The following SIN3A variants were observed in gnomAD, a reference collection of about 807,000 sequenced individuals.
The protein encoded by SIN3A is SIN3 transcription regulator family member A, also known as paired amphipathic helix protein Sin3a.
A neutral mutation model predicts 146.1 loss-of-function variants in SIN3A; 14 were observed. The ratio of observed to expected loss-of-function variants is 0.10; its 90% CI spans 0.06 to 0.15. The LOEUF (loss-of-function observed/expected upper bound fraction) is 0.15, where lower values mean the gene tolerates loss of function less well. Ranked by LOEUF, SIN3A falls within the 10% of genes least tolerant of loss-of-function variation. The pLI is 1.00. For missense variants in SIN3A, 1,028 were observed against 1,576.0 expected (o/e 0.65, Z 5.89); for synonymous variants, 572 against 572.0 (o/e 1.00, Z 0.00).
intron 9 of SIN3A, among the ~76,000 whole-genome samples, chr15:75,404,265 T>C (rs927667078): frequency 6.6e-6 from 1 of 152,212 alleles, no homozygotes; most frequent in African/African-American, 2.4e-5. Context: ...GTATACCCTA[T>C]TTACCTTTAC....
intron 13 of SIN3A, 113 bp from the exon 14 acceptor site, chr15:75,394,976 C>T: frequency 1.1e-6 from 1 of 911,470 alleles, no homozygotes; most frequent in Non-Finnish European, 1.6e-6. Context: ...TATTAGGTCT[C>T]TCAAAATTAC....
chr15:75,428,873 T>C (rs2073968558), intron 2 of SIN3A, among the ~76,000 whole-genome samples: 1 of 152,146 alleles, frequency 6.6e-6, no homozygotes, highest in Admixed American at 6.5e-5. Context: ...ACCCTTCATC[T>C]TCTTTCTCCC....
At chr15:75,410,466 G>A (rs1453671671) in intron 6 of SIN3A, among the ~76,000 whole-genome samples, 180 bp from the exon 7 acceptor site, 1 of 151,974 alleles carries the variant, frequency 6.6e-6, no homozygotes, top group Non-Finnish European at 1.5e-5. Context: ...TGAAGATGGT[G>A]GATGACAATT....
chr15:75,436,850 C>T (rs1254067612), intron 1 of SIN3A, among the ~76,000 whole-genome samples: 1 of 151,852 alleles, frequency 6.6e-6, no homozygotes, highest in East Asian at 1.9e-4. Flanking sequence ...GGGATACAGA[C>T]AGGTACACTT....
At chr15:75,391,944 C>T (rs2073211012) in intron 15 of SIN3A, among the ~76,000 whole-genome samples, 2 of 152,206 alleles carry the variant, frequency 1.3e-5, no homozygotes, top group African/African-American at 2.4e-5. Flanking sequence ...AAACAGATGG[C>T]AGTAACCCAG....
At chr15:75,432,699 A>AT (rs547565722) in intron 1 of SIN3A, among the ~76,000 whole-genome samples, 2 of 150,980 alleles carry the variant, frequency 1.3e-5, no homozygotes, top group African/African-American at 2.4e-5. Context: ...AAAAAAAAAA[A>AT]AAAAAAATTA....
chr15:75,390,380 A>C (rs1301896489), intron 15 of SIN3A, among the ~76,000 whole-genome samples: 1 of 152,242 alleles, frequency 6.6e-6, no homozygotes, highest in East Asian at 1.9e-4. Flanking sequence ...TTTGTTTAAA[A>C]ATGGATTCGC....
chr15:75,430,360 C>T lies in SIN3A; in HGVS notation c.16G>A (p.Asp6Asn). The T allele has an allele frequency of 6.2e-7, 1 of 1,610,678 alleles. No homozygotes were observed. Among genetic ancestry groups the T allele is most frequent in the Non-Finnish European group, 8.5e-7 (1 of 1,178,588 alleles). Residue 6 changes from aspartate to asparagine, a missense_variant, in exon 2 of 21, where the codon GAT (aspartate) becomes AAT (asparagine). Physicochemically the swap from Asp to Asn is conservative, Grantham distance 23 (BLOSUM62 1). Around this residue, in one of 9 missense-constraint regions of SIN3A, gnomAD observed 152 missense variants for 231.5 expected, o/e 0.66. Transcript: ENST00000394947. MKRRL[D>N]DQESPVYAAQ... ...GCATACACCGGTGACTCCTGGTCAT[C>T]CAAACGCCGCTTCATTCTGTGCTCA...
At chr15:75,444,635 G>A (rs776641394) in intron 1 of SIN3A, among the ~76,000 whole-genome samples, 3 of 150,830 alleles carry the variant, frequency 2.0e-5, no homozygotes, top group Non-Finnish European at 4.4e-5. Flanking sequence ...TTGGGAGGCC[G>A]AGGTGGGCAG....
intron 16 of SIN3A, among the ~76,000 whole-genome samples, chr15:75,388,080 A>T (rs2073126127): frequency 6.6e-6 from 1 of 152,144 alleles, no homozygotes; most frequent in South Asian, 2.1e-4. Context: ...AAGCATGGGT[A>T]CTTTGCAAAG....
At chr15:75,392,997 G>A (rs1567336263) in intron 14 of SIN3A, among the ~76,000 whole-genome samples, 182 bp from the exon 15 acceptor site, 1 of 152,192 alleles carries the variant, frequency 6.6e-6, no homozygotes, top group Non-Finnish European at 1.5e-5. Flanking sequence ...TTGGTAGGCC[G>A]AGGAGGGTGA....
At chr15:75,382,281 A>T (rs2141388946) in intron 17 of SIN3A, among the ~76,000 whole-genome samples, 1 of 152,370 alleles carries the variant, frequency 6.6e-6, no homozygotes, top group African/African-American at 2.4e-5. Context: ...AAAGCTTTAA[A>T]AATTGCTCTC....
chr15:75,424,631 T>C (rs1175107039), intron 2 of SIN3A, among the ~76,000 whole-genome samples: 5 of 152,084 alleles, frequency 3.3e-5, no homozygotes, highest in African/African-American at 1.2e-4. Flanking sequence ...TGTACCACCA[T>C]GCCTGGTTAA....
In SIN3A at chr15:75,402,237, C is replaced by T. The variant is rs189706361; in HGVS notation, c.1408-267G>A. On this transcript the variant is annotated intron_variant, in intron 9 of 20. Transcript: ENST00000394947. ...AAAACTGGGGAAATTTGTGGCTGGGCGTGGTGGCTCATGCCTATAATCCCA... is the reference window on the plus strand; with the variant it reads ...AAAACTGGGGAAATTTGTGGCTGGGTGTGGTGGCTCATGCCTATAATCCCA... Among the ~76,000 whole-genome samples, 73 of 152,140 alleles carry T rather than the reference C, an allele frequency of 4.8e-4. 1 individual carries two copies. The East Asian group carries it at 0.013, about 27-fold the overall frequency.
upstream of SIN3A, chr15:75,453,500 A>C (rs2074441302): frequency 6.6e-6 from 1 of 152,324 alleles, no homozygotes; most frequent in Non-Finnish European, 1.5e-5. Flanking sequence ...CCATGGTATC[A>C]AGAACTACTC....
chr15:75,453,412 C>G (rs1206881226), upstream of SIN3A: 3 of 152,482 alleles, frequency 2.0e-5, no homozygotes, highest in African/African-American at 7.2e-5. Flanking sequence ...AAGCGGCACT[C>G]CAGCAGAACT....
chr15:75,407,171 A>C, intron 8 of SIN3A, 27 bp from the exon 9 acceptor site: 1 of 1,453,576 alleles, frequency 6.9e-7, no homozygotes, highest in East Asian at 2.3e-5. Flanking sequence ...CAAACATGTG[A>C]GATTCAACGA....
At chr15:75,412,700 C>T in intron 5 of SIN3A, 63 bp downstream of exon 5, 2 of 1,428,812 alleles carry the variant, frequency 1.4e-6, no homozygotes, top group Non-Finnish European at 1.9e-6. Flanking sequence ...AAAGGGGAAA[C>T]ATCAAAGGAA....
chr15:75,442,120 C>CAAAAAAA (rs57418865), intron 1 of SIN3A, among the ~76,000 whole-genome samples: 5 of 29,280 alleles, frequency 1.7e-4, no homozygotes, highest in Admixed American at 6.9e-4. Flanking sequence ...GACTCTGTCT[C>CAAAAAAA]AAAAAAAAAA....
Sources: gnomAD v4.1 joint callset for allele counts (sites outside exome capture counted in the v4.1 genomes callset) on GRCh38, gnomAD v4.1.1 for gene constraint, gnomAD v4.1.1 regional missense constraint, MANE v1.5 for transcripts, NCBI Gene and HGNC (gene_info 2026-07-23, HGNC 2026-07-21) for gene names.